The following MEOX2 variants were observed in gnomAD, a reference collection of about 807,000 sequenced individuals.
The protein encoded by MEOX2 is homeobox protein MOX-2.
A neutral mutation model predicts 27.0 loss-of-function variants in MEOX2; 11 were observed. The ratio of observed to expected loss-of-function variants is 0.41; its 90% CI spans 0.26 to 0.68. The LOEUF (loss-of-function observed/expected upper bound fraction) is 0.68. MEOX2 is among the 30% of genes least tolerant of loss of function. The pLI is 0.33. For synonymous variants in MEOX2, 189 were observed against 155.4 expected, an observed-to-expected ratio of 1.22 and a Z score of -1.61; for missense variants, 436 against 385.4, an observed-to-expected ratio of 1.13 and a Z score of -1.10.
intron 1 of MEOX2, among the ~76,000 whole-genome samples, chr7:15,628,346 G>C (rs1274200888): frequency 2.0e-5 from 3 of 152,084 alleles, no homozygotes; most frequent in Non-Finnish European, 4.4e-5. Flanking sequence ...AAGTGAGCCA[G>C]ATGTAAAGTT....
chr7:15,673,681 T>G (rs1782146602), intron 1 of MEOX2, among the ~76,000 whole-genome samples: 1 of 149,320 alleles, frequency 6.7e-6, no homozygotes, highest in Admixed American at 6.7e-5. Flanking sequence ...TCAATAAAGG[T>G]TGTACCGATT....
chr7:15,657,934 A>G (rs1006482058), intron 1 of MEOX2, among the ~76,000 whole-genome samples: 9 of 152,226 alleles, frequency 5.9e-5, no homozygotes, highest in African/African-American at 2.2e-4. Context: ...CTGAAGTAGA[A>G]GTTCCCCACT....
At chr7:15,645,112 C>T (rs1346508894) in intron 1 of MEOX2, among the ~76,000 whole-genome samples, 1 of 152,184 alleles carries the variant, frequency 6.6e-6, no homozygotes, top group African/African-American at 2.4e-5. Flanking sequence ...CTCTCAATGA[C>T]TAGACAGCAG....
At chr7:15,676,815 G>A (rs952982560) in intron 1 of MEOX2, among the ~76,000 whole-genome samples, 9 of 151,000 alleles carry the variant, frequency 6.0e-5, no homozygotes, top group South Asian at 4.2e-4. Context: ...TCAAGATTGC[G>A]CCACTGCACT....
At position 15,686,533 on chromosome 7, in the gene MEOX2, G is replaced by C; in HGVS notation, c.-131C>G. The stretch of plus-strand genomic sequence containing the variant: ...CCCAAAGCAATAGCGGTGCACTTCT[G>C]CAGAGCTCGGATAATCCCGGTCCTG... On this transcript the variant is annotated 5_prime_UTR_variant, in exon 1 of 3. Coordinates refer to ENST00000262041, the MANE Select transcript of MEOX2 (RefSeq NM_005924.5). The C allele has an allele frequency of 1.2e-6, 1 of 809,172 alleles. No individual in the cohort carries two copies. The highest frequency in any genetic ancestry group is 1.9e-6 in the Non-Finnish European group (1 of 521,408). 50.1% of individuals were successfully genotyped at this position (809,172 alleles called of 1,614,324 possible).
At chr7:15,681,701 T>C (rs1782294120) in intron 1 of MEOX2, 1 of 151,672 alleles carries the variant, frequency 6.6e-6, no homozygotes, top group African/African-American at 2.4e-5. Context: ...TGAAGTACTG[T>C]TTTTTCAGTT....
At chr7:15,615,932 T>G (rs1209579821) in intron 2 of MEOX2, among the ~76,000 whole-genome samples, 1 of 151,958 alleles carries the variant, frequency 6.6e-6, no homozygotes, top group Non-Finnish European at 1.5e-5. Flanking sequence ...ATAATATCAG[T>G]ATAAAACCTG....
intron 1 of MEOX2, among the ~76,000 whole-genome samples, chr7:15,633,376 T>C (rs1162861873): frequency 6.6e-6 from 1 of 151,894 alleles, no homozygotes; most frequent in Non-Finnish European, 1.5e-5. Flanking sequence ...GGAAAGAAAC[T>C]ATTTTCACAA....
chr7:15,616,910 A>G lies in MEOX2; in HGVS notation c.691-4299T>C, dbSNP rs558351458. 3.3e-5 allele frequency among the ~76,000 whole-genome samples: 5 copies of G among 152,148 alleles called. No homozygotes were observed. In the East Asian group the frequency reaches 9.7e-4, roughly 29 times the overall value. ...CCCTTAAGGTATTCACGGTCAAGAA[A>G]ATGGAGGAAATGTAAATGTAACTTA... On this transcript the variant is annotated intron_variant, in intron 2 of 2. Transcript: ENST00000262041.
At chr7:15,614,579 T>A (rs1247741651) in intron 2 of MEOX2, among the ~76,000 whole-genome samples, 1 of 152,196 alleles carries the variant, frequency 6.6e-6, no homozygotes, top group Non-Finnish European at 1.5e-5. Context: ...CAGTGATCAC[T>A]GTTTCATCTG....
intron 1 of MEOX2, among the ~76,000 whole-genome samples, chr7:15,667,181 C>T (rs577674288): frequency 1.4e-5 from 2 of 147,524 alleles, no homozygotes; most frequent in Admixed American, 1.4e-4. Context: ...GTCCCAGCTA[C>T]TTGGGAAGCT....
chr7:15,658,595 C>CT, intron 1 of MEOX2, among the ~76,000 whole-genome samples: 1 of 152,290 alleles, frequency 6.6e-6, no homozygotes, highest in South Asian at 2.1e-4. Context: ...AAGTTTGTAT[C>CT]TTCCCCCAGT....
intron 2 of MEOX2, among the ~76,000 whole-genome samples, chr7:15,620,468 G>A (rs988586447): frequency 6.6e-6 from 1 of 152,124 alleles, no homozygotes; most frequent in Non-Finnish European, 1.5e-5. Context: ...CTCTACTCGG[G>A]AGGCTGAGGC....
rs1406120984 is a variant in MEOX2 at position 15,639,287 on chromosome 7, T to A, written c.518-12369A>T. 2.0e-5 allele frequency among the ~76,000 whole-genome samples: 3 copies of A among 152,182 alleles called. No individual in the cohort carries two copies. In the South Asian group the frequency reaches 6.2e-4, roughly 32 times the overall value. ...AACTTGTATGTCTTCTTTTGAGAAG[T>A]ATGTGTTCATGTCCTTTTTCTACTT... On this transcript the variant is annotated intron_variant, in intron 1 of 2. Transcript: ENST00000262041.
intron 2 of MEOX2, among the ~76,000 whole-genome samples, chr7:15,615,805 A>G (rs762372699): frequency 6.6e-6 from 1 of 152,084 alleles, no homozygotes; most frequent in Admixed American, 6.6e-5. Flanking sequence ...GATCATCATC[A>G]TTGTCACCAA....
At chr7:15,635,583 T>C (rs1781468466) in intron 1 of MEOX2, among the ~76,000 whole-genome samples, 1 of 152,002 alleles carries the variant, frequency 6.6e-6, no homozygotes, top group South Asian at 2.1e-4. Context: ...TTGTAAACTC[T>C]AGCCGTTATT....
intron 1 of MEOX2, among the ~76,000 whole-genome samples, chr7:15,666,772 AAAAAAAAATATATAT>A (rs1189794572): frequency 2.7e-3 from 130 of 48,088 alleles, no homozygotes; most frequent in Non-Finnish European, 5.9e-3. Flanking sequence ...AAAAAAAAAA[AAAAAAAAATATATAT>A]ATATATATAT....
Position 15,618,872 on chromosome 7 carries a change from C to A in MEOX2, c.691-6261G>T, listed in dbSNP as rs537634116. On this transcript the variant is annotated intron_variant, in intron 2 of 2. Transcript: ENST00000262041. ...AGTATACACTGACCCATAGAAAAGT[C>A]AATAATTTTAATAACTTCAAAACCG... 8.6e-5 allele frequency among the ~76,000 whole-genome samples: 13 copies of A among 151,678 alleles called. 1 individual carries two copies. Among genetic ancestry groups the A allele is most frequent in the African/African-American group, 2.2e-4 (9 of 41,420 alleles).
At chr7:15,617,763 C>CACATTGGGA (rs1345515915) in intron 2 of MEOX2, among the ~76,000 whole-genome samples, 1 of 152,054 alleles carries the variant, frequency 6.6e-6, no homozygotes, top group Non-Finnish European at 1.5e-5. Context: ...ACTGATTTAG[C>CACATTGGGA]ACATTGGGAA....
Sources: allele counts gnomAD v4.1 joint callset (sites outside exome capture counted in the v4.1 genomes callset), GRCh38; gene constraint gnomAD v4.1.1; transcripts MANE v1.5; gene names NCBI Gene and HGNC (gene_info 2026-07-23, HGNC 2026-07-21).